EML5: variants seen among roughly 807,000 people sequenced by gnomAD.
EML5 encodes the protein echinoderm microtubule-associated protein-like 5.
Under a neutral mutation model 250.0 loss-of-function variants are expected in EML5, and 120 were observed. The ratio of observed to expected loss-of-function variants is 0.48; its 90% CI spans 0.41 to 0.56. The LOEUF is 0.56. Among genes scored for constraint, EML5 ranks in the 20% least tolerant of loss-of-function variants. The pLI is 0.00. For missense variants in EML5, 2,006 were observed against 2,437.6 expected (o/e 0.82, Z 3.73); for synonymous variants, 771 against 806.5 (o/e 0.96, Z 0.75).
intron 19 of EML5, among the ~76,000 whole-genome samples, chr14:88,685,709 C>CA (rs551904360): frequency 5.7e-4 from 86 of 152,202 alleles, no homozygotes; most frequent in African/African-American, 2.0e-3. Context: ...CTGGGCCTCC[C>CA]AAAGTGTTGG....
rs1394739884 is a variant in EML5, at chr14:88,634,464, C to T, written c.4357+5G>A. On this transcript the variant is annotated splice_donor_5th_base_variant and intron_variant, in intron 33 of 43. Transcript: ENST00000554922. Reference sequence around the variant, plus strand: ...ATAAAGCAGAAAATGTTTAGTTTTCCTTACCTGACATGTCTGCTGAATCAC... The same window carrying T: ...ATAAAGCAGAAAATGTTTAGTTTTCTTTACCTGACATGTCTGCTGAATCAC... 1.4e-6 allele frequency: 2 copies of T among 1,463,172 alleles called. No homozygotes were observed. Among genetic ancestry groups the T allele is most frequent in the Non-Finnish European group, 1.8e-6 (2 of 1,093,892 alleles). 90.6% of individuals were successfully genotyped at this position (1,463,172 alleles called of 1,614,324 possible). A position where few individuals can be genotyped will look rare whatever the true frequency, so the allele number is the denominator to read the frequency against.
intron 21 of EML5, among the ~76,000 whole-genome samples, chr14:88,678,964 C>G (rs1351346240): frequency 6.6e-6 from 1 of 151,946 alleles, no homozygotes; most frequent in Admixed American, 6.6e-5. Flanking sequence ...TGTGAAAGTT[C>G]TTGGGAATAA....
In EML5 at chr14:88,706,389, G is replaced by A. The variant is rs568796325; in HGVS notation, c.1695C>T (p.His565=). ...CATGTGACCATCTGACATTAGTTACGTGAGCTGAATGGCCAATATATTTTC... is the reference window on the plus strand; with the variant it reads ...CATGTGACCATCTGACATTAGTTACATGAGCTGAATGGCCAATATATTTTC... ...KFRKYIGHSA[H]VTNVRWSHDY... Residue 565 remains histidine, a synonymous_variant, in exon 11 of 44, where the codon CAC becomes CAT. Coordinates refer to ENST00000554922, the MANE Select transcript of EML5 (RefSeq NM_183387.3). 14 of 1,602,808 alleles carry A rather than the reference G, an allele frequency of 8.7e-6. No individual in the cohort carries two copies. Among genetic ancestry groups the A allele is most frequent in the Middle Eastern group, 1.7e-4 (1 of 6,022 alleles).
chr14:88,722,746 T>C (rs2093609692), intron 8 of EML5, among the ~76,000 whole-genome samples: 1 of 152,228 alleles, frequency 6.6e-6, no homozygotes, highest in East Asian at 1.9e-4. Flanking sequence ...CTCAAGGTCA[T>C]TGCCAAGGTC....
chr14:88,698,977 G>C (rs183577959), intron 14 of EML5, among the ~76,000 whole-genome samples: 4 of 152,172 alleles, frequency 2.6e-5, no homozygotes, highest in Non-Finnish European at 5.9e-5. Context: ...GAGAGGTTAG[G>C]TAATTTGCCA....
chr14:88,769,027 G>A (rs1254810406), intron 1 of EML5, among the ~76,000 whole-genome samples: 1 of 152,150 alleles, frequency 6.6e-6, no homozygotes, highest in Non-Finnish European at 1.5e-5. Flanking sequence ...GCAAAAATTA[G>A]TTCTTAAATG....
intron 27 of EML5, among the ~76,000 whole-genome samples, chr14:88,652,059 A>T (rs2091653689): frequency 6.6e-6 from 1 of 152,204 alleles, no homozygotes; most frequent in South Asian, 2.1e-4. Context: ...TGACTCCAGA[A>T]TTCATGTCCT....
chr14:88,710,265 G>A (rs1248468301), intron 10 of EML5, among the ~76,000 whole-genome samples: 1 of 152,182 alleles, frequency 6.6e-6, no homozygotes, highest in Non-Finnish European at 1.5e-5. Flanking sequence ...TAGGGTATAT[G>A]TGGTTCATAT....
At position 88,736,373 on chromosome 14, in the gene EML5, C is replaced by T. The variant is rs374179617; in HGVS notation, c.1040G>A (p.Arg347His). The change falls in exon 7 of 44, where the codon CGT (arginine) becomes CAT (histidine). Residue 347 changes from arginine to histidine, a missense_variant. Arg to His is a conservative substitution (Grantham distance 29). This residue lies in a region of EML5 where 1,375 missense variants were observed against 1,590.3 expected (regional missense o/e 0.86). Coordinates refer to ENST00000554922, the MANE Select transcript of EML5 (RefSeq NM_183387.3). The stretch of plus-strand genomic sequence containing the variant: ...TTTATAATTTGCTTACCTGACCGAA[C>T]GATCATCACTTCCAGTCACAGCCAA... ...KPLAVTGSDDRSVRIWSLVDH... is the reference protein window; with the variant it reads ...KPLAVTGSDDHSVRIWSLVDH... 3.0e-5 allele frequency: 48 copies of T among 1,613,842 alleles called. No homozygotes were observed. Among genetic ancestry groups the T allele is most frequent in the Non-Finnish European group, 3.8e-5 (45 of 1,179,882 alleles).
intron 1 of EML5, among the ~76,000 whole-genome samples, chr14:88,757,049 A>G (rs1465729057): frequency 6.6e-6 from 1 of 152,196 alleles, no homozygotes; most frequent in African/African-American, 2.4e-5. Flanking sequence ...GAAAAATCAC[A>G]CTTTCCAATT....
intron 7 of EML5, among the ~76,000 whole-genome samples, chr14:88,732,306 C>A (rs192519797): frequency 6.6e-6 from 1 of 152,116 alleles, no homozygotes; most frequent in South Asian, 2.1e-4. Flanking sequence ...TTCCCAGCAC[C>A]ATTTATTAAA....
chr14:88,759,327 C>G (rs2094205210), intron 1 of EML5, among the ~76,000 whole-genome samples: 1 of 152,044 alleles, frequency 6.6e-6, no homozygotes, highest in African/African-American at 2.4e-5. Flanking sequence ...ATCTTGTTTT[C>G]TCACCTTCAA....
chr14:88,643,642 T>C (rs558925361), intron 30 of EML5, among the ~76,000 whole-genome samples: 41 of 152,314 alleles, frequency 2.7e-4, no homozygotes, highest in African/African-American at 9.4e-4. Flanking sequence ...AATTTTATGT[T>C]CATTGTTAAT....
chr14:88,792,275 G>A lies in EML5; in HGVS notation c.197+32C>T. On this transcript the variant is annotated intron_variant, in intron 1 of 43. Transcript: ENST00000554922. The surrounding 1 kb of genome is among the most constrained non-coding windows in gnomAD (Gnocchi z 6.9). ...GTGCAAACTCCGGGAGCGGCTTGCA[G>A]GGTGACGGCGGCGGCCCCCGCTCCC... 2.6e-6 allele frequency: 4 copies of A among 1,542,620 alleles called. No homozygotes were observed. Among genetic ancestry groups the A allele is most frequent in the Non-Finnish European group, 3.5e-6 (4 of 1,145,464 alleles).
intron 21 of EML5, among the ~76,000 whole-genome samples, chr14:88,679,429 T>G (rs963036656): frequency 6.6e-6 from 1 of 152,140 alleles, no homozygotes; most frequent in Non-Finnish European, 1.5e-5. Context: ...TGGTGGCTCA[T>G]GCTTGTAATC....
chr14:88,737,916 A>AT (rs2093869336), intron 6 of EML5, among the ~76,000 whole-genome samples: 1 of 152,146 alleles, frequency 6.6e-6, no homozygotes, highest in African/African-American at 2.4e-5. Context: ...TTACTTGTCT[A>AT]TATTTCTTCA....
At chr14:88,720,999 T>G (rs754313990) in intron 8 of EML5, among the ~76,000 whole-genome samples, 2 of 152,076 alleles carry the variant, frequency 1.3e-5, no homozygotes, top group Non-Finnish European at 2.9e-5. Flanking sequence ...AGCAGAGAGC[T>G]AAATTATGAA....
intron 17 of EML5, among the ~76,000 whole-genome samples, chr14:88,689,130 T>C (rs1272813968): frequency 2.6e-5 from 4 of 152,198 alleles, no homozygotes; most frequent in Non-Finnish European, 5.9e-5. Context: ...TTCCTATTAA[T>C]GGAGATTTAA....
Position 88,657,393 on chromosome 14 carries a change from T to C in EML5, c.3987A>G (p.Glu1329=). 3 of 1,579,726 alleles carry C rather than the reference T, an allele frequency of 1.9e-6. No homozygotes were observed. The highest frequency in any genetic ancestry group is 2.6e-6 in the Non-Finnish European group (3 of 1,160,242). Residue 1329 remains glutamate (E), a synonymous_variant, in exon 27 of 44, where the codon GAA becomes GAG. Transcript: ENST00000554922. ...ATTATTACCTTTCATCAATTGAGGG[T>C]TCTTTTTGTTGTAAATGAGGCTTGA... is the stretch of plus-strand genomic sequence containing the variant. ...LGIKPHLQQK[E]PSIDERQGVV...
Sources: gnomAD v4.1 joint callset for allele counts (sites outside exome capture counted in the v4.1 genomes callset) on GRCh38, gnomAD v4.1.1 for gene constraint, gnomAD v4.1.1 regional missense constraint, Gnocchi (gnomAD v3.1) non-coding constraint, MANE v1.5 for transcripts, NCBI Gene and HGNC (gene_info 2026-07-23, HGNC 2026-07-21) for gene names.